HMGCLL1: variants seen among roughly 807,000 people sequenced by gnomAD.
The protein encoded by HMGCLL1 is 3-hydroxymethyl-3-methylglutaryl-CoA lyase, cytoplasmic.
A neutral mutation model predicts 39.1 loss-of-function variants in HMGCLL1; 36 were observed. That is an observed-to-expected ratio of 0.92 (90% CI 0.71 to 1.22). The LOEUF is 1.22. Among genes scored for constraint, HMGCLL1 ranks in the 50% most tolerant of loss-of-function variants. HMGCLL1 has a pLI of 0.00. For synonymous variants in HMGCLL1, 149 were observed against 144.0 expected, an observed-to-expected ratio of 1.03 and a Z score of -0.25; for missense variants, 451 against 416.5, an observed-to-expected ratio of 1.08 and a Z score of -0.72.
chr6:55,643,213 C>T, the HMGCLL1 span, among the ~76,000 whole-genome samples: 46 of 152,022 alleles, frequency 3.0e-4, no homozygotes, highest in Admixed American at 2.0e-3. Context: ...TGATGAATTG[C>T]CACACTGCTT....
chr6:55,592,779 A>G, the HMGCLL1 span, among the ~76,000 whole-genome samples: 1 of 152,068 alleles, frequency 6.6e-6, no homozygotes, highest in Non-Finnish European at 1.5e-5. Context: ...ACACTAATTC[A>G]TGAGAAGGGT....
At chr6:55,496,601 T>C (rs963328326) in intron 6 of HMGCLL1, among the ~76,000 whole-genome samples, 2 of 152,178 alleles carry the variant, frequency 1.3e-5, no homozygotes, top group Admixed American at 6.5e-5. Context: ...GCACTTCTTA[T>C]GTGTTTTTCA....
At chr6:55,554,362 A>G (rs1770533591) in intron 1 of HMGCLL1, among the ~76,000 whole-genome samples, 1 of 152,054 alleles carries the variant, frequency 6.6e-6, no homozygotes, top group Non-Finnish European at 1.5e-5. Context: ...AATTTTTTAA[A>G]TTGTGGATCC....
chr6:55,552,971 G>A (rs186108378), intron 1 of HMGCLL1, among the ~76,000 whole-genome samples: 32 of 151,694 alleles, frequency 2.1e-4, no homozygotes, highest in Non-Finnish European at 3.7e-4. Flanking sequence ...GTGCAACCCC[G>A]TTTCTACTAA....
At chr6:55,544,686 G>A (rs1344344082) in intron 1 of HMGCLL1, among the ~76,000 whole-genome samples, 1 of 152,188 alleles carries the variant, frequency 6.6e-6, no homozygotes, top group East Asian at 1.9e-4. Flanking sequence ...AGCTGTTATT[G>A]GTTTTATCAG....
chr6:55,520,680 A>C (rs1767991543), intron 3 of HMGCLL1, among the ~76,000 whole-genome samples: 1 of 152,122 alleles, frequency 6.6e-6, no homozygotes, highest in Non-Finnish European at 1.5e-5. Context: ...AAACAATGAA[A>C]CTAACAATTC....
chr6:55,439,397 G>A (rs1274161113), intron 8 of HMGCLL1, 37 bp downstream of exon 8: 1 of 1,575,784 alleles, frequency 6.3e-7, no homozygotes, highest in Admixed American at 1.7e-5. Flanking sequence ...GAGCTGCAAG[G>A]AATGCATGAA....
the HMGCLL1 span, among the ~76,000 whole-genome samples, chr6:55,672,801 T>C: frequency 6.6e-6 from 1 of 151,988 alleles, no homozygotes; most frequent in African/African-American, 2.4e-5. Context: ...TTGTGTGTTA[T>C]TAGTAATCAG....
the HMGCLL1 span, among the ~76,000 whole-genome samples, chr6:55,586,013 A>G: frequency 1.3e-5 from 2 of 152,134 alleles, no homozygotes; most frequent in African/African-American, 4.8e-5. Context: ...TAGAATTTGC[A>G]TATCCACCAA....
intron 7 of HMGCLL1, among the ~76,000 whole-genome samples, chr6:55,476,971 C>A: frequency 7.2e-6 from 1 of 138,372 alleles, no homozygotes; most frequent in East Asian, 2.3e-4. Flanking sequence ...AATTCGCTGT[C>A]CTTATGTGTA....
chr6:55,627,543 A>G, the HMGCLL1 span, among the ~76,000 whole-genome samples: 2 of 151,910 alleles, frequency 1.3e-5, no homozygotes, highest in African/African-American at 4.8e-5. Context: ...GGATTGAAGG[A>G]TACAAAGTAT....
the HMGCLL1 span, among the ~76,000 whole-genome samples, chr6:55,659,990 G>C: frequency 1.3e-5 from 2 of 151,804 alleles, no homozygotes; most frequent in African/African-American, 4.8e-5. Context: ...AGTCCAATGA[G>C]ATAGAGGTGT....
chr6:55,486,388 T>C (rs1183755088), intron 7 of HMGCLL1, among the ~76,000 whole-genome samples: 1 of 152,046 alleles, frequency 6.6e-6, no homozygotes, highest in Non-Finnish European at 1.5e-5. Context: ...GAAGTCTACT[T>C]GCCCAAGAGG....
At chr6:55,627,888 T>TATATATATA in the HMGCLL1 span, among the ~76,000 whole-genome samples, 1 of 42,816 alleles carries the variant, frequency 2.3e-5, no homozygotes, top group Non-Finnish European at 4.2e-5. Flanking sequence ...CCCTTATATA[T>TATATATATA]ATATATATAT....
At chr6:55,663,996 G>T in the HMGCLL1 span, among the ~76,000 whole-genome samples, 2 of 151,792 alleles carry the variant, frequency 1.3e-5, no homozygotes, top group East Asian at 3.9e-4. Context: ...TGCAATCTCT[G>T]CATTTTTTCT....
At chr6:55,644,187 T>G in the HMGCLL1 span, among the ~76,000 whole-genome samples, 1 of 152,064 alleles carries the variant, frequency 6.6e-6, no homozygotes, top group East Asian at 1.9e-4. Flanking sequence ...TATGTCTCTT[T>G]GCCATTTGTA....
chr6:55,603,350 T>C, the HMGCLL1 span, among the ~76,000 whole-genome samples: 3 of 152,154 alleles, frequency 2.0e-5, no homozygotes, highest in Admixed American at 1.3e-4. Context: ...ATTTAGGTTA[T>C]AATTTAATTT....
intron 7 of HMGCLL1, among the ~76,000 whole-genome samples, chr6:55,483,214 C>T (rs778073499): frequency 1.3e-5 from 2 of 151,936 alleles, no homozygotes; most frequent in Non-Finnish European, 2.9e-5. Context: ...TAGTTTTGAA[C>T]AAATTTAAAT....
At chr6:55,661,227 C>A in the HMGCLL1 span, among the ~76,000 whole-genome samples, 1,388 of 151,930 alleles carry the variant, frequency 9.1e-3, 27 homozygotes, top group African/African-American at 0.032. Context: ...TAATTGGATC[C>A]TATTTGTTAA....
Sources: allele counts gnomAD v4.1 joint callset (sites outside exome capture counted in the v4.1 genomes callset), GRCh38; gene constraint gnomAD v4.1.1; transcripts MANE v1.5; gene names NCBI Gene and HGNC (gene_info 2026-07-23, HGNC 2026-07-21).